Variants in BCL6B observed in about 807,000 individuals in gnomAD.
The protein encoded by BCL6B is B-cell CLL/lymphoma 6 member B protein.
In BCL6B, 28 loss-of-function variants were observed where a neutral mutation model predicts 44.6. That is an observed-to-expected ratio of 0.63 (90% CI 0.47 to 0.86). The LOEUF (loss-of-function observed/expected upper bound fraction) is 0.86, where lower values mean the gene tolerates loss of function less well. Among genes scored for constraint, BCL6B ranks in the 40% least tolerant of loss-of-function variants. BCL6B has a pLI of 0.00. For missense variants in BCL6B, 626 were observed against 652.3 expected (o/e 0.96, Z 0.44); for synonymous variants, 268 against 263.6 (o/e 1.02, Z -0.16).
rs1298500835 is a variant in BCL6B at position 7,027,050 on chromosome 17, G to A, written c.1286G>A (p.Ser429Asn). ...TRFRHLQTLK[S>N]HVRIHTGEKP... Reference sequence around the variant, plus strand: ...TTCCGCCACCTGCAGACCCTCAAGAGCCACGTTCGCATCCACACCGGAGAG... The same window carrying A: ...TTCCGCCACCTGCAGACCCTCAAGAACCACGTTCGCATCCACACCGGAGAG... The change falls in exon 8 of 9, where the codon AGC becomes AAC. Residue 429 changes from serine to asparagine, a missense_variant. Physicochemically the swap from Ser to Asn is conservative, Grantham distance 46 (BLOSUM62 1). Coordinates refer to ENST00000293805, the MANE Select transcript of BCL6B (RefSeq NM_181844.4). 3.1e-6 allele frequency: 5 copies of A among 1,613,696 alleles called. No homozygotes were observed. The Admixed American group carries it at 8.3e-5, about 27-fold the overall frequency.
chr17:7,024,032 T>A lies in BCL6B; in HGVS notation c.180-51T>A, dbSNP rs773241303. The A allele has an allele frequency of 1.9e-6, 3 of 1,586,662 alleles. No homozygotes were observed. The South Asian group carries it at 3.3e-5, about 18-fold the overall frequency. On this transcript the variant is annotated intron_variant, in intron 2 of 8. Transcript: ENST00000293805. The surrounding 1 kb of genome is among the most constrained non-coding windows in gnomAD (Gnocchi z 6.6). ...GGGCGGGGCTTCCTGAAGCTGCGCA[T>A]GTCTCCCTTGGTTCCCCAGCCCCCA...
At chr17:7,025,297 A>T in intron 5 of BCL6B, 97 bp downstream of exon 5, 10 of 1,482,272 alleles carry the variant, frequency 6.7e-6, no homozygotes, top group Non-Finnish European at 9.1e-6. Context: ...TGGTTCCTAA[A>T]CTTTATTACA....
At position 7,027,012 on chromosome 17, in the gene BCL6B, C is replaced by T. The variant is rs1488995015; in HGVS notation, c.1248C>T (p.Thr416=). ...HTGEKPYPCP[T]CGTRFRHLQT... Reference sequence around the variant, plus strand: ...GGGAGAAGCCCTACCCTTGCCCTACCTGCGGAACCCGCTTCCGCCACCTGC... The same window carrying T: ...GGGAGAAGCCCTACCCTTGCCCTACTTGCGGAACCCGCTTCCGCCACCTGC... The change falls in exon 8 of 9, where the codon ACC becomes ACT. Residue 416 remains threonine (T), a synonymous_variant. Transcript: ENST00000293805. 6.2e-7 allele frequency: 1 copy of T among 1,613,840 alleles called. No individual in the cohort carries two copies. The highest frequency in any genetic ancestry group is 8.5e-7 in the Non-Finnish European group (1 of 1,179,990).
Position 7,029,316 on chromosome 17 carries a change from C to T in BCL6B, c.*1697C>T. On this transcript the variant is annotated 3_prime_UTR_variant, in exon 9 of 9. Transcript: ENST00000293805. ...GAAGCCTTGATTGATAGTTCTGCCCCTTGTTGCCCTGGGGCTTATCTGATT... is the reference window on the plus strand; with the variant it reads ...GAAGCCTTGATTGATAGTTCTGCCCTTTGTTGCCCTGGGGCTTATCTGATT... The T allele has an allele frequency of 1.0e-6, 1 of 988,504 alleles. No homozygotes were observed. Among genetic ancestry groups the T allele is most frequent in the Non-Finnish European group, 1.2e-6 (1 of 831,856 alleles). 61.2% of individuals were successfully genotyped at this position (988,504 alleles called of 1,614,324 possible).
Position 7,025,036 on chromosome 17 carries a change from C to T in BCL6B, c.765-40C>T, listed in dbSNP as rs779457328. ...CAGGAGAGAACCCCCACCCCTCAAC[C>T]GTACAATCTCTTTTAACCCTTTCCT... On this transcript the variant is annotated intron_variant, in intron 4 of 8. Transcript: ENST00000293805. 6 of 1,607,456 alleles carry T rather than the reference C, an allele frequency of 3.7e-6. No homozygotes were observed. In the South Asian group the frequency reaches 5.5e-5, roughly 15 times the overall value.
At position 7,029,091 on chromosome 17, in the gene BCL6B, T is replaced by C. The variant is rs1452904125; in HGVS notation, c.*1472T>C. ...CCATTCTGGGTTTGCTGTAGTTTGG[T>C]TGGGATTATTGTTGGCATTACAGAT... is the stretch of plus-strand genomic sequence containing the variant. On this transcript the variant is annotated 3_prime_UTR_variant, in exon 9 of 9. Coordinates refer to ENST00000293805, the MANE Select transcript of BCL6B (RefSeq NM_181844.4). 2.0e-6 allele frequency: 2 copies of C among 985,336 alleles called. No homozygotes were observed. Among genetic ancestry groups the C allele is most frequent in the East Asian group, 1.1e-4 (1 of 8,826 alleles). 61.0% of individuals were successfully genotyped at this position (985,336 alleles called of 1,614,324 possible).
At chr17:7,025,315 A>T in intron 5 of BCL6B, 115 bp downstream of exon 5, 2 of 1,421,182 alleles carry the variant, frequency 1.4e-6, no homozygotes, top group South Asian at 2.7e-5. Context: ...ACAAATTAGA[A>T]TCACCTAGGA....
At chr17:7,026,413 C>T in intron 5 of BCL6B, 44 bp from the exon 6 acceptor site, 5 of 1,603,754 alleles carry the variant, frequency 3.1e-6, no homozygotes, top group East Asian at 4.5e-5. Flanking sequence ...CCTAGATAGC[C>T]CTCATTAATA....
chr17:7,025,251 T>A (rs754581992), intron 5 of BCL6B, 51 bp downstream of exon 5: 1 of 1,605,496 alleles, frequency 6.2e-7, no homozygotes. Flanking sequence ...CCAGGCAAGT[T>A]TGTGCCAAAA....
intron 2 of BCL6B, 45 bp downstream of exon 2, chr17:7,023,895 G>C: frequency 1.3e-6 from 2 of 1,596,020 alleles, no homozygotes; most frequent in Non-Finnish European, 1.7e-6. Context: ...GGAAAGGGGT[G>C]GGACCACAGG....
At chr17:7,025,410 C>T (rs1241570843) in intron 5 of BCL6B, among the ~76,000 whole-genome samples, 2 of 152,222 alleles carry the variant, frequency 1.3e-5, no homozygotes, top group Admixed American at 1.3e-4. Context: ...TTTTCTAAAG[C>T]TCTCCCAGTG....
rs1910340071 is a variant in BCL6B at position 7,027,759 on chromosome 17, C to T, written c.*140C>T. The stretch of plus-strand genomic sequence containing the variant: ...AAATTGCCACCCTCTTAATTTCTCA[C>T]TGGGGAGAGCAGGGGTGGCAGATCC... On this transcript the variant is annotated 3_prime_UTR_variant, in exon 9 of 9. Transcript: ENST00000293805. The T allele has an allele frequency of 6.8e-7, 1 of 1,471,122 alleles. No homozygotes were observed. The highest frequency in any genetic ancestry group is 1.4e-5 in the African/African-American group (1 of 70,796). The allele number at this position is 1,471,122 out of a possible 1,614,324, so 91.1% of individuals were successfully genotyped here. A position where few individuals can be genotyped will look rare whatever the true frequency, so the allele number is the denominator to read the frequency against.
rs1278502325 is a variant in BCL6B, at chr17:7,024,367, G to A, written c.402-34G>A. Reference sequence around the variant, plus strand: ...TGTTAAGGGCAAAGGCAGAGTTTAGGAAATGGCACTAACGTTCATCACACT... The same window carrying A: ...TGTTAAGGGCAAAGGCAGAGTTTAGAAAATGGCACTAACGTTCATCACACT... On this transcript the variant is annotated intron_variant, in intron 3 of 8. Transcript: ENST00000293805. This position sits in a 1 kb window ranked among gnomAD's most constrained non-coding sequence, Gnocchi z 6.6. The A allele has an allele frequency of 1.2e-6, 2 of 1,612,612 alleles. No individual in the cohort carries two copies. The highest frequency in any genetic ancestry group is 1.7e-5 in the Admixed American group (1 of 59,944).
Position 7,024,050 on chromosome 17 carries a change from A to C in BCL6B, c.180-33A>C. Reference sequence around the variant, plus strand: ...CTGCGCATGTCTCCCTTGGTTCCCCAGCCCCCAAAGGACTTATCTGCTCTC... The same window carrying C: ...CTGCGCATGTCTCCCTTGGTTCCCCCGCCCCCAAAGGACTTATCTGCTCTC... On this transcript the variant is annotated intron_variant, in intron 2 of 8. Transcript: ENST00000293805. The surrounding 1 kb of genome is among the most constrained non-coding windows in gnomAD (Gnocchi z 6.6). 1.2e-6 allele frequency: 2 copies of C among 1,603,776 alleles called. No homozygotes were observed. Among genetic ancestry groups the C allele is most frequent in the Non-Finnish European group, 1.7e-6 (2 of 1,171,980 alleles).
Position 7,023,725 on chromosome 17 carries a change from T to G in BCL6B, c.54T>G (p.Thr18=). 6.2e-7 allele frequency: 1 copy of G among 1,613,182 alleles called. No individual in the cohort carries two copies. The highest frequency in any genetic ancestry group is 8.5e-7 in the Non-Finnish European group (1 of 1,180,016). The change falls in exon 2 of 9, where the codon ACT becomes ACG. Residue 18 remains threonine (T), a synonymous_variant. Coordinates refer to ENST00000293805, the MANE Select transcript of BCL6B (RefSeq NM_181844.4). ...EGALGYVREF[T]RHSSDVLGNL... is the part of the protein sequence containing the mutation. ...CGCTGGGCTACGTCCGCGAGTTCACTCGCCACTCCTCCGACGTGCTGGGCA... is the reference window on the plus strand; with the variant it reads ...CGCTGGGCTACGTCCGCGAGTTCACGCGCCACTCCTCCGACGTGCTGGGCA...
intron 8 of BCL6B, 60 bp from the exon 9 acceptor site, chr17:7,027,443 C>T: frequency 6.3e-7 from 1 of 1,594,440 alleles, no homozygotes. Flanking sequence ...GGCCGCCCGG[C>T]TCAACACCTA....
Position 7,024,078 on chromosome 17 carries a change from T to C in BCL6B, c.180-5T>C, listed in dbSNP as rs1307091359. On this transcript the variant is annotated splice_region_variant and splice_polypyrimidine_tract_variant and intron_variant, in intron 2 of 8. Coordinates refer to ENST00000293805, the MANE Select transcript of BCL6B (RefSeq NM_181844.4). This position sits in a 1 kb window ranked among gnomAD's most constrained non-coding sequence, Gnocchi z 6.6. ...CCCCAAAGGACTTATCTGCTCTCTC[T>C]CTAGTGGCTTCTTCTATTCAATTTT... The C allele has an allele frequency of 6.2e-7, 1 of 1,613,778 alleles. No homozygotes were observed. Among genetic ancestry groups the C allele is most frequent in the South Asian group, 1.1e-5 (1 of 91,076 alleles).
intron 5 of BCL6B, among the ~76,000 whole-genome samples, chr17:7,025,458 AT>A (rs1236063782): frequency 6.6e-6 from 1 of 152,200 alleles, no homozygotes; most frequent in Non-Finnish European, 1.5e-5. Context: ...TTTCTGGCCT[AT>A]CCCCTTTCAG....
Position 7,027,596 on chromosome 17 carries a change from T to A in BCL6B, c.1417T>A (p.Tyr473Asn). Reference protein sequence around the residue: ...HGAATNTKVHYHILGGP With the variant: ...HGAATNTKVHNHILGGP The stretch of plus-strand genomic sequence containing the variant: ...AGCTGCTACCAACACCAAAGTGCAC[T>A]ACCACATTCTCGGGGGGCCCTAGCT... Residue 473 changes from tyrosine (Y) to asparagine (N), a missense_variant, in exon 9 of 9, where the codon TAC becomes AAC. By Grantham distance (143) the Tyr-to-Asn change is moderately radical (BLOSUM62 -2). Transcript: ENST00000293805. 6.2e-7 allele frequency: 1 copy of A among 1,611,924 alleles called. No individual in the cohort carries two copies. The highest frequency in any genetic ancestry group is 8.5e-7 in the Non-Finnish European group (1 of 1,179,168).
Sources: allele counts gnomAD v4.1 joint callset (sites outside exome capture counted in the v4.1 genomes callset), GRCh38; gene constraint gnomAD v4.1.1; non-coding constraint Gnocchi (gnomAD v3.1); transcripts MANE v1.5; gene names NCBI Gene and HGNC (gene_info 2026-07-23, HGNC 2026-07-21).